ZNF385D: variants seen among roughly 807,000 people sequenced by gnomAD.
The protein encoded by ZNF385D is zinc finger protein 659.
ZNF385D carries 15 observed loss-of-function variants against 35.8 expected under a neutral mutation model. The observed-to-expected ratio is 0.42, with a 90% CI of 0.28 to 0.64. The LOEUF is 0.64. ZNF385D is among the 30% of genes least tolerant of loss of function. The probability of loss-of-function intolerance (pLI) is 0.23; values close to 1 mark genes in which losing one functional copy is unlikely to be tolerated. For missense variants in ZNF385D, 474 were observed against 494.6 expected, an observed-to-expected ratio of 0.96 and a Z score of 0.39; for synonymous variants, 212 against 186.8, an observed-to-expected ratio of 1.13 and a Z score of -1.10.
rs142951609 is a variant in ZNF385D at position 21,598,872 on chromosome 3, C to T, written c.166-34188G>A. 3.0e-4 allele frequency among the ~76,000 whole-genome samples: 46 copies of T among 152,278 alleles called. No homozygotes were observed. In the East Asian group the frequency reaches 7.7e-3, roughly 26 times the overall value. ...TTTTAAATGATTCCAGAGAAGTTCA[C>T]CATTCCCTTATGATCAGAAAAATGT... On this transcript the variant is annotated intron_variant, in intron 2 of 7. Coordinates refer to ENST00000281523, the MANE Select transcript of ZNF385D (RefSeq NM_024697.3).
At chr3:21,667,026 G>A (rs533035665) in intron 1 of ZNF385D, among the ~76,000 whole-genome samples, 10 of 152,220 alleles carry the variant, frequency 6.6e-5, no homozygotes, top group East Asian at 3.9e-4. Flanking sequence ...GCAGTAAGCC[G>A]AGATCGCACC....
At chr3:21,699,101 A>G (rs2067576930) in intron 1 of ZNF385D, among the ~76,000 whole-genome samples, 2 of 152,218 alleles carry the variant, frequency 1.3e-5, no homozygotes, top group African/African-American at 4.8e-5. Flanking sequence ...ATGTCCATCA[A>G]TGATAGACTG....
At chr3:22,322,152 A>G (rs547580784) in intron 2 of ZNF385D, among the ~76,000 whole-genome samples, 1 of 152,242 alleles carries the variant, frequency 6.6e-6, no homozygotes, top group Admixed American at 6.5e-5. Flanking sequence ...TTTCTAGGCA[A>G]TATATCTTTA....
chr3:21,478,979 T>C (rs1704420727), intron 4 of ZNF385D, among the ~76,000 whole-genome samples: 1 of 151,930 alleles, frequency 6.6e-6, no homozygotes, highest in South Asian at 2.1e-4. Flanking sequence ...TTATGCATGA[T>C]TAAAATAGTA....
At chr3:21,957,692 C>T (rs1270981321) in intron 3 of ZNF385D, among the ~76,000 whole-genome samples, 2 of 152,080 alleles carry the variant, frequency 1.3e-5, no homozygotes, top group African/African-American at 4.8e-5. Flanking sequence ...AACCATCTGC[C>T]CCATCTCCTC....
At chr3:22,246,889 A>T (rs1447875787) in intron 2 of ZNF385D, among the ~76,000 whole-genome samples, 2 of 152,146 alleles carry the variant, frequency 1.3e-5, no homozygotes, top group Non-Finnish European at 2.9e-5. Flanking sequence ...TTTTCAGAAC[A>T]TTCTCTGTGT....
At chr3:22,070,273 T>C (rs1434327332) in intron 3 of ZNF385D, among the ~76,000 whole-genome samples, 2 of 152,184 alleles carry the variant, frequency 1.3e-5, no homozygotes, top group Non-Finnish European at 2.9e-5. Flanking sequence ...TATTTTTAAG[T>C]GGCATCACCT....
chr3:22,049,565 T>C (rs1699218345), intron 3 of ZNF385D, among the ~76,000 whole-genome samples: 1 of 152,162 alleles, frequency 6.6e-6, no homozygotes, highest in Non-Finnish European at 1.5e-5. Context: ...TTATTAAAAG[T>C]GCCAATAGTG....
chr3:21,631,477 T>A (rs1162828252), intron 2 of ZNF385D, among the ~76,000 whole-genome samples: 1 of 152,112 alleles, frequency 6.6e-6, no homozygotes, highest in Non-Finnish European at 1.5e-5. Flanking sequence ...TTTTTAAAAA[T>A]CCCTCTTTGG....
At chr3:22,192,191 C>G (rs1696099771) in intron 2 of ZNF385D, among the ~76,000 whole-genome samples, 1 of 152,260 alleles carries the variant, frequency 6.6e-6, no homozygotes. Context: ...CACACCAGGT[C>G]AGAGAAGTTC....
intron 3 of ZNF385D, among the ~76,000 whole-genome samples, chr3:21,946,416 A>C (rs573835574): frequency 6.6e-6 from 1 of 152,198 alleles, no homozygotes; most frequent in African/African-American, 2.4e-5. Context: ...CAAAGTTGAA[A>C]ATTAATTCAT....
intron 3 of ZNF385D, chr3:21,878,145 C>T (rs1698080464): frequency 6.6e-6 from 1 of 151,896 alleles, no homozygotes; most frequent in Non-Finnish European, 1.5e-5. Context: ...TGATGCAATC[C>T]TCTAGGCAAC....
chr3:21,476,979 C>T (rs1178849203), intron 4 of ZNF385D, among the ~76,000 whole-genome samples: 1 of 152,262 alleles, frequency 6.6e-6, no homozygotes, highest in East Asian at 1.9e-4. Flanking sequence ...TTACCCCACC[C>T]ATTTTTATAA....
At chr3:21,976,920 G>A (rs550035840) in intron 3 of ZNF385D, among the ~76,000 whole-genome samples, 2 of 152,246 alleles carry the variant, frequency 1.3e-5, no homozygotes, top group Admixed American at 6.5e-5. Context: ...CCTGGGAGGC[G>A]GAGGTTGCAG....
chr3:21,483,796 T>C (rs1314871486), intron 4 of ZNF385D, among the ~76,000 whole-genome samples: 1 of 152,236 alleles, frequency 6.6e-6, no homozygotes, highest in East Asian at 1.9e-4. Flanking sequence ...AAGTTTAAAG[T>C]ACTTTTTATA....
At chr3:22,075,958 T>G (rs1700443990) in intron 3 of ZNF385D, among the ~76,000 whole-genome samples, 1 of 151,952 alleles carries the variant, frequency 6.6e-6, no homozygotes, top group Non-Finnish European at 1.5e-5. Context: ...TCTTCGCTTC[T>G]TTAATTCCCC....
intron 1 of ZNF385D, among the ~76,000 whole-genome samples, chr3:21,718,273 C>G (rs1173353426): frequency 6.6e-6 from 1 of 152,212 alleles, no homozygotes; most frequent in Non-Finnish European, 1.5e-5. Context: ...GGTTCCTACT[C>G]AGACTCCACT....
chr3:21,486,856 T>C (rs1309369177), intron 4 of ZNF385D, among the ~76,000 whole-genome samples: 2 of 152,134 alleles, frequency 1.3e-5, no homozygotes, highest in Non-Finnish European at 2.9e-5. Context: ...TATATTTGTA[T>C]GATGACTATT....
chr3:22,239,482 A>G (rs1028804742), intron 2 of ZNF385D, among the ~76,000 whole-genome samples: 37 of 150,516 alleles, frequency 2.5e-4, no homozygotes, highest in Non-Finnish European at 4.4e-4. Context: ...TATAATAGAG[A>G]TATCTTTTGC....
Sources: gnomAD v4.1 joint callset for allele counts (sites outside exome capture counted in the v4.1 genomes callset) on GRCh38, gnomAD v4.1.1 for gene constraint, MANE v1.5 for transcripts, NCBI Gene and HGNC (gene_info 2026-07-23, HGNC 2026-07-21) for gene names.